The following NDST4 variants were observed in gnomAD, a reference collection of about 807,000 sequenced individuals.
NDST4 encodes the protein N-deacetylase and N-sulfotransferase 4, also known as N-heparan sulfate sulfotransferase 4.
NDST4 carries 63 observed loss-of-function variants against 100.8 expected under a neutral mutation model. That is an observed-to-expected ratio of 0.62 (90% CI 0.51 to 0.77). The LOEUF is 0.77. Among genes scored for constraint, NDST4 ranks in the 30% least tolerant of loss-of-function variants. NDST4 has a pLI of 0.00. For missense variants in NDST4, 943 were observed against 1,018.4 expected (o/e 0.93, Z 1.01); for synonymous variants, 377 against 361.8 (o/e 1.04, Z -0.48).
intron 3 of NDST4, among the ~76,000 whole-genome samples, chr4:114,972,931 A>T: frequency 6.6e-6 from 1 of 152,084 alleles, no homozygotes; most frequent in African/African-American, 2.4e-5. Flanking sequence ...GTTAATTTAT[A>T]AACACCCTCA....
At chr4:115,047,853 T>G (rs1278085385) in intron 2 of NDST4, among the ~76,000 whole-genome samples, 1 of 152,144 alleles carries the variant, frequency 6.6e-6, no homozygotes, top group Admixed American at 6.5e-5. Context: ...ATCTATGACC[T>G]TCAATAAAAG....
chr4:114,857,653 G>A lies in NDST4; in HGVS notation c.1720-4832C>T, dbSNP rs138733672. On this transcript the variant is annotated intron_variant, in intron 7 of 13. Coordinates refer to ENST00000264363, the MANE Select transcript of NDST4 (RefSeq NM_022569.3). The stretch of plus-strand genomic sequence containing the variant: ...CCATTCAGAGGGGTTTCTAAAAATC[G>A]CTGGTTAATGGAACTCTTTCAGTTG... Among the ~76,000 whole-genome samples the A allele has an allele frequency of 7.3e-3, 1,116 of 152,268 alleles. 87 individuals are homozygous for A. In the South Asian group the frequency reaches 0.17, roughly 24 times the overall value.
chr4:115,108,813 A>G (rs1338569323), intron 1 of NDST4, among the ~76,000 whole-genome samples: 2 of 151,776 alleles, frequency 1.3e-5, no homozygotes, highest in Admixed American at 6.6e-5. Flanking sequence ...CTTTCTCTTC[A>G]TTTTCCCCAC....
chr4:114,962,607 A>T (rs998696487), intron 4 of NDST4, among the ~76,000 whole-genome samples: 7 of 152,006 alleles, frequency 4.6e-5, no homozygotes, highest in African/African-American at 1.7e-4. Context: ...TTGATCAAAG[A>T]AGTTCAAAAT....
chr4:114,851,074 A>G lies in NDST4; in HGVS notation c.1816+1651T>C, dbSNP rs187130225. ...CTCACCTCACAAAAACTGAGCAAAT[A>G]GGAGTTTGGGAACCACTTTTGTACC... On this transcript the variant is annotated intron_variant, in intron 8 of 13. Coordinates refer to ENST00000264363, the MANE Select transcript of NDST4 (RefSeq NM_022569.3). Among the ~76,000 whole-genome samples the G allele has an allele frequency of 4.6e-5, 7 of 152,320 alleles. No individual in the cohort carries two copies. The East Asian group carries it at 1.2e-3, about 25-fold the overall frequency.
chr4:115,095,682 C>T (rs987202372), intron 1 of NDST4, among the ~76,000 whole-genome samples: 3 of 152,020 alleles, frequency 2.0e-5, no homozygotes, highest in Non-Finnish European at 2.9e-5. Flanking sequence ...AACTCTCATG[C>T]TTTTAAAAAA....
chr4:115,089,315 T>C (rs1037086063), intron 1 of NDST4, among the ~76,000 whole-genome samples: 4 of 151,976 alleles, frequency 2.6e-5, no homozygotes, highest in Non-Finnish European at 5.9e-5. Flanking sequence ...GTCTCTGTTT[T>C]GTATTTTCTA....
At position 114,989,679 on chromosome 4, in the gene NDST4, TG is replaced by T. The variant is rs1207658454; in HGVS notation, c.979-12406del. The stretch of plus-strand genomic sequence containing the variant: ...TGGAGAAGAATGAAATAGGAAAACA[TG>T]TAGAGGAGAAAAACAGGTTAGCCAA... On this transcript the variant is annotated intron_variant, in intron 2 of 13. Transcript: ENST00000264363. 4.6e-5 allele frequency among the ~76,000 whole-genome samples: 7 copies of T among 152,142 alleles called. No individual in the cohort carries two copies. In the East Asian group the frequency reaches 9.7e-4, roughly 21 times the overall value.
chr4:114,989,564 G>A (rs564841385), intron 2 of NDST4, among the ~76,000 whole-genome samples: 1 of 152,286 alleles, frequency 6.6e-6, no homozygotes, highest in Admixed American at 6.5e-5. Flanking sequence ...CCTGTGGGAA[G>A]CCATTGGAGA....
chr4:115,015,734 A>G (rs956889104), intron 2 of NDST4, among the ~76,000 whole-genome samples: 1 of 152,042 alleles, frequency 6.6e-6, no homozygotes, highest in African/African-American at 2.4e-5. Context: ...TCACTGTCCA[A>G]TGGGCTCATG....
chr4:114,970,089 T>G (rs560613591), intron 4 of NDST4, among the ~76,000 whole-genome samples: 1 of 151,650 alleles, frequency 6.6e-6, no homozygotes, highest in South Asian at 2.1e-4. Context: ...AAATTATTTT[T>G]GAATGGTTAA....
At chr4:114,930,955 A>G (rs1578396333) in intron 6 of NDST4, among the ~76,000 whole-genome samples, 1 of 152,064 alleles carries the variant, frequency 6.6e-6, no homozygotes, top group East Asian at 1.9e-4. Context: ...CAAATATTTA[A>G]AAAATAAGCT....
At chr4:115,091,263 A>G (rs1487905996) in intron 1 of NDST4, among the ~76,000 whole-genome samples, 2 of 152,064 alleles carry the variant, frequency 1.3e-5, no homozygotes, top group Non-Finnish European at 2.9e-5. Flanking sequence ...TTTTCATTTT[A>G]TATTTCTCTG....
At chr4:115,004,599 A>G (rs1727372363) in intron 2 of NDST4, among the ~76,000 whole-genome samples, 1 of 152,132 alleles carries the variant, frequency 6.6e-6, no homozygotes, top group South Asian at 2.1e-4. Context: ...GGTTGGTATA[A>G]ATATATCTTC....
At position 114,848,219 on chromosome 4, in the gene NDST4, C is replaced by G; in HGVS notation, c.1936G>C (p.Asp646His). The stretch of plus-strand genomic sequence containing the variant: ...ATTTTTTGTTATTTTTCTTACCAGT[C>G]TATTCCTTTGTGATAGTTGTTGCCA... ...FNGNNYHKGI[D>H]WYMDFFPTPS... is the part of the protein sequence containing the mutation. The change falls in exon 9 of 14, where the codon GAC becomes CAC. Residue 646 changes from aspartate (D) to histidine (H), a missense_variant. Coordinates refer to ENST00000264363, the MANE Select transcript of NDST4 (RefSeq NM_022569.3). 3.7e-6 allele frequency: 6 copies of G among 1,602,302 alleles called. No homozygotes were observed. The highest frequency in any genetic ancestry group is 5.1e-6 in the Non-Finnish European group (6 of 1,176,610).
chr4:115,071,874 T>C (rs549319909), intron 2 of NDST4, among the ~76,000 whole-genome samples: 2 of 152,276 alleles, frequency 1.3e-5, no homozygotes, highest in South Asian at 4.1e-4. Flanking sequence ...ATATTTTTTC[T>C]ATGGACATAT....
intron 2 of NDST4, among the ~76,000 whole-genome samples, chr4:114,982,016 C>T (rs963064302): frequency 1.3e-5 from 2 of 152,118 alleles, no homozygotes; most frequent in African/African-American, 4.8e-5. Context: ...AAGTGTGTGG[C>T]ACTTCCCCCC....
chr4:114,916,534 C>CTGTGTG (rs1560810809), intron 6 of NDST4, among the ~76,000 whole-genome samples: 1 of 123,418 alleles, frequency 8.1e-6, no homozygotes, highest in Non-Finnish European at 1.6e-5. Context: ...TCCTGGTAGG[C>CTGTGTG]TCTGTGTGTG....
chr4:115,074,213 C>A (rs1434138586), intron 2 of NDST4, among the ~76,000 whole-genome samples: 1 of 151,916 alleles, frequency 6.6e-6, no homozygotes, highest in Non-Finnish European at 1.5e-5. Context: ...CTTAAGATAG[C>A]CATCAGTGAC....
Sources: allele counts gnomAD v4.1 joint callset (sites outside exome capture counted in the v4.1 genomes callset), GRCh38; gene constraint gnomAD v4.1.1; transcripts MANE v1.5; gene names NCBI Gene and HGNC (gene_info 2026-07-23, HGNC 2026-07-21).